PARD3B: variants seen among roughly 807,000 people sequenced by gnomAD.
The protein encoded by PARD3B is partitioning defective 3 homolog B.
In PARD3B, 103 loss-of-function variants were observed where a neutral mutation model predicts 130.2. That is an observed-to-expected ratio of 0.79 (90% CI 0.67 to 0.93). PARD3B has a LOEUF of 0.93. PARD3B is among the 40% of genes least tolerant of loss of function. The pLI is 0.00. For missense variants in PARD3B, 1,609 were observed against 1,499.2 expected (o/e 1.07, Z -1.21); for synonymous variants, 583 against 553.2 (o/e 1.05, Z -0.76).
At chr2:205,067,379 G>T (rs1169496627) in intron 4 of PARD3B, among the ~76,000 whole-genome samples, 1 of 151,878 alleles carries the variant, frequency 6.6e-6, no homozygotes, top group East Asian at 1.9e-4. Flanking sequence ...GCATAGGCTG[G>T]CCTCAAACTC....
intron 5 of PARD3B, among the ~76,000 whole-genome samples, chr2:205,107,165 A>G (rs1187410576): frequency 6.6e-6 from 1 of 152,194 alleles, no homozygotes; most frequent in Non-Finnish European, 1.5e-5. Context: ...CCTCAGCTAC[A>G]CCATTATAAT....
intron 20 of PARD3B, among the ~76,000 whole-genome samples, chr2:205,489,522 T>TATATACGTATATATATGC (rs1559141351): frequency 3.2e-5 from 4 of 126,416 alleles, no homozygotes; most frequent in African/African-American, 8.7e-5. Context: ...TATATATATA[T>TATATACGTATATATATGC]ACACACATAT....
chr2:204,804,556 C>G (rs950033284), intron 2 of PARD3B, among the ~76,000 whole-genome samples: 2 of 152,142 alleles, frequency 1.3e-5, no homozygotes, highest in Admixed American at 1.3e-4. Context: ...GGAGACTTCA[C>G]TCTGCTTCTA....
chr2:205,073,104 GA>G (rs1700838846), intron 4 of PARD3B, among the ~76,000 whole-genome samples: 1 of 152,062 alleles, frequency 6.6e-6, no homozygotes, highest in African/African-American at 2.4e-5. Flanking sequence ...TGAAAATAAA[GA>G]ACTAAGATTT....
chr2:204,703,334 A>G (rs1028983144), intron 2 of PARD3B, among the ~76,000 whole-genome samples: 2 of 152,190 alleles, frequency 1.3e-5, no homozygotes, highest in Non-Finnish European at 2.9e-5. Flanking sequence ...TGTTTGTCCC[A>G]TGAGGCTGTA....
At chr2:204,665,210 G>A (rs1461840618) in intron 1 of PARD3B, among the ~76,000 whole-genome samples, 1 of 151,618 alleles carries the variant, frequency 6.6e-6, no homozygotes. Flanking sequence ...TCAAATATAT[G>A]CATATAGTTG....
intron 15 of PARD3B, among the ~76,000 whole-genome samples, chr2:205,227,334 T>C (rs552073564): frequency 3.9e-5 from 6 of 152,304 alleles, no homozygotes; most frequent in African/African-American, 1.4e-4. Context: ...GCTTTAGTAA[T>C]ATTTGCTTCA....
At chr2:205,017,328 G>A (rs780032858) in intron 3 of PARD3B, among the ~76,000 whole-genome samples, 119 of 152,208 alleles carry the variant, frequency 7.8e-4, no homozygotes, top group Non-Finnish European at 2.9e-4. Flanking sequence ...AATTCAGTGA[G>A]CAAAAATTTA....
chr2:205,254,944 GT>G (rs2040014350), intron 16 of PARD3B, among the ~76,000 whole-genome samples: 1 of 151,954 alleles, frequency 6.6e-6, no homozygotes, highest in South Asian at 2.1e-4. Context: ...GATTACAGGT[GT>G]GAGCCACCGC....
chr2:204,713,157 T>C (rs944609008), intron 2 of PARD3B, among the ~76,000 whole-genome samples: 4 of 152,108 alleles, frequency 2.6e-5, no homozygotes, highest in African/African-American at 9.7e-5. Context: ...TCAACACGCA[T>C]GTTTTGCCCC....
Position 205,460,392 on chromosome 2 carries a change from AG to A in PARD3B, c.3044+19721del, listed in dbSNP as rs1559114999. ...GATTATCAAGACTAAGGATGTTGATAGTGATGATGATGATGATGATGATGAT... is the reference window on the plus strand; with the variant it reads ...GATTATCAAGACTAAGGATGTTGATATGATGATGATGATGATGATGATGAT... On this transcript the variant is annotated intron_variant, in intron 20 of 22. Coordinates refer to ENST00000406610, the MANE Select transcript of PARD3B (RefSeq NM_001302769.2). The surrounding 1 kb of genome is among the most constrained non-coding windows in gnomAD (Gnocchi z 4.9). 8.5e-6 allele frequency among the ~76,000 whole-genome samples: 1 copy of A among 117,986 alleles called. No individual in the cohort carries two copies. The highest frequency in any genetic ancestry group is 1.7e-5 in the Non-Finnish European group (1 of 57,548). 77.4% of individuals were successfully genotyped at this position (117,986 alleles called of 152,430 possible).
At position 204,664,885 on chromosome 2, in the gene PARD3B, C is replaced by T. The variant is rs2035957693; in HGVS notation, c.121-21296C>T. Among the ~76,000 whole-genome samples the T allele has an allele frequency of 1.3e-5, 2 of 152,112 alleles. No individual in the cohort carries two copies. The highest frequency in any genetic ancestry group is 4.1e-4 in the South Asian group (2 of 4,828). ...CTCTCTCCTTTTCTTTCATCTCATT[C>T]TTTACCATGTTTGTTGGGCATTAGT... On this transcript the variant is annotated intron_variant, in intron 1 of 22. Coordinates refer to ENST00000406610, the MANE Select transcript of PARD3B (RefSeq NM_001302769.2). This position sits in a 1 kb window ranked among gnomAD's most constrained non-coding sequence, Gnocchi z 5.2.
Position 204,984,860 on chromosome 2 carries a change from T to C in PARD3B, c.394+19537T>C, listed in dbSNP as rs111790376. 1.1e-4 allele frequency among the ~76,000 whole-genome samples: 17 copies of C among 152,110 alleles called. 1 individual carries two copies. Among genetic ancestry groups the C allele is most frequent in the Non-Finnish European group, 1.6e-4 (11 of 68,020 alleles). On this transcript the variant is annotated intron_variant, in intron 3 of 22. Transcript: ENST00000406610. ...TGGCAGAAGGAATGTGAAGCAGTCC[T>C]GGAATAATCATCAGGAAAGAATTAC...
intron 21 of PARD3B, among the ~76,000 whole-genome samples, chr2:205,508,116 C>T (rs1047846911): frequency 3.9e-5 from 6 of 152,180 alleles, no homozygotes; most frequent in African/African-American, 1.2e-4. Context: ...CAATTCACCC[C>T]AGGAGAAGCA....
intron 1 of PARD3B, among the ~76,000 whole-genome samples, chr2:204,631,979 T>C (rs2034694634): frequency 6.6e-6 from 1 of 152,182 alleles, no homozygotes; most frequent in Non-Finnish European, 1.5e-5. Flanking sequence ...GTGAAAGAAG[T>C]CTTATTTATT....
At position 205,183,448 on chromosome 2, in the gene PARD3B, G is replaced by A. The variant is rs1181138637; in HGVS notation, c.1925-2316G>A. On this transcript the variant is annotated intron_variant, in intron 13 of 22. Transcript: ENST00000406610. The surrounding 1 kb of genome is among the most constrained non-coding windows in gnomAD (Gnocchi z 5.2). ...CCCCAATTTACATTACAGTCCTTCT[G>A]TTCTGTTTCTCTTAGCAAGTCTTGA... is the stretch of plus-strand genomic sequence containing the variant. 6.6e-6 allele frequency among the ~76,000 whole-genome samples: 1 copy of A among 152,178 alleles called. No homozygotes were observed. The highest frequency in any genetic ancestry group is 1.9e-4 in the East Asian group (1 of 5,184).
At position 205,125,236 on chromosome 2, in the gene PARD3B, A is replaced by G. The variant is rs988016954; in HGVS notation, c.1306-373A>G. ...ATTGCTAGGTTCGTATTTGCAGAGA[A>G]ATTTGCCTTGTGATCATGGTTCACT... On this transcript the variant is annotated intron_variant, in intron 9 of 22. Coordinates refer to ENST00000406610, the MANE Select transcript of PARD3B (RefSeq NM_001302769.2). This position sits in a 1 kb window ranked among gnomAD's most constrained non-coding sequence, Gnocchi z 4.0. 6.6e-6 allele frequency among the ~76,000 whole-genome samples: 1 copy of G among 152,206 alleles called. No homozygotes were observed. The highest frequency in any genetic ancestry group is 2.4e-5 in the African/African-American group (1 of 41,456).
Position 204,993,976 on chromosome 2 carries a change from C to T in PARD3B, c.394+28653C>T, listed in dbSNP as rs1693935276. Among the ~76,000 whole-genome samples the T allele has an allele frequency of 3.3e-5, 5 of 151,522 alleles. No homozygotes were observed. The South Asian group carries it at 1.0e-3, about 32-fold the overall frequency. On this transcript the variant is annotated intron_variant, in intron 3 of 22. Transcript: ENST00000406610. ...CTATTTGATTCATCTCTCTTTTTTT[C>T]TTTATTAGTCTTGCTAGCGGTCTAT... is the stretch of plus-strand genomic sequence containing the variant.
At chr2:204,772,419 C>T (rs989584763) in intron 2 of PARD3B, among the ~76,000 whole-genome samples, 3 of 152,042 alleles carry the variant, frequency 2.0e-5, no homozygotes, top group Non-Finnish European at 4.4e-5. Flanking sequence ...AGTACAACTG[C>T]AATTGATCCC....
Sources: allele counts gnomAD v4.1 joint callset (sites outside exome capture counted in the v4.1 genomes callset), GRCh38; gene constraint gnomAD v4.1.1; non-coding constraint Gnocchi (gnomAD v3.1); transcripts MANE v1.5; gene names NCBI Gene and HGNC (gene_info 2026-07-23, HGNC 2026-07-21).